The following MRTFB variants were observed in gnomAD, a reference collection of about 807,000 sequenced individuals.
MRTFB encodes the protein myocardin related transcription factor B.
MRTFB carries 29 observed loss-of-function variants against 104.2 expected under a neutral mutation model. That is an observed-to-expected ratio of 0.28 (90% CI 0.21 to 0.38). The LOEUF is 0.38. MRTFB is among the 10% of genes least tolerant of loss of function. The pLI, the probability that MRTFB is intolerant of heterozygous loss-of-function variation, is 1.00. For missense variants in MRTFB, 1,270 were observed against 1,341.6 expected (o/e 0.95, Z 0.83); for synonymous variants, 535 against 519.5 (o/e 1.03, Z -0.41).
chr16:14,126,610 T>G (rs2037123215), intron 2 of MRTFB, among the ~76,000 whole-genome samples: 1 of 152,214 alleles, frequency 6.6e-6, no homozygotes, highest in Non-Finnish European at 1.5e-5. Context: ...ATTGCTGACA[T>G]TATTGACATT....
Position 14,246,933 on chromosome 16 carries a change from G to A in MRTFB, c.1673G>A (p.Ser558Asn). ...GAAGACAGTCTGAGTCCCACCAGCA[G>A]CACTCTGTCAAACCTGGAACTGGAT... is the stretch of plus-strand genomic sequence containing the variant. ...NNEDSLSPTS[S>N]TLSNLELDAA... Residue 558 changes from serine (S) to asparagine (N), a missense_variant, in exon 12 of 17, where the codon AGC becomes AAC. Ser to Asn is a conservative substitution (Grantham distance 46, BLOSUM62 1). Coordinates refer to ENST00000571589, the MANE Select transcript of MRTFB (RefSeq NM_001308142.2). 6.2e-7 allele frequency: 1 copy of A among 1,614,008 alleles called. No homozygotes were observed. The highest frequency in any genetic ancestry group is 8.5e-7 in the Non-Finnish European group (1 of 1,180,032).
At chr16:14,043,182 AT>A in the MRTFB span, among the ~76,000 whole-genome samples, 1 of 152,082 alleles carries the variant, frequency 6.6e-6, no homozygotes, top group Non-Finnish European at 1.5e-5. Flanking sequence ...TGGTGCTGAT[AT>A]TTTTGTGTTG....
In MRTFB at chr16:14,261,125, A is replaced by G. The variant is rs750194006; in HGVS notation, c.2981A>G (p.Asn994Ser). The G allele has an allele frequency of 4.3e-6, 7 of 1,614,196 alleles. No homozygotes were observed. The highest frequency in any genetic ancestry group is 2.2e-5 in the South Asian group (2 of 91,080). The stretch of plus-strand genomic sequence containing the variant: ...TTGGATGGAACTTTACCCTCAGCCA[A>G]TGAAATTCCTCCACTACAAAGCAGC... The part of the protein sequence containing the change: ...AFLDGTLPSA[N>S]EIPPLQSSSE... Residue 994 changes from asparagine to serine, a missense_variant, in exon 17 of 17, where the codon AAT becomes AGT. Coordinates refer to ENST00000571589, the MANE Select transcript of MRTFB (RefSeq NM_001308142.2).
At chr16:14,254,939 A>G (rs901868955) in intron 15 of MRTFB, among the ~76,000 whole-genome samples, 3 of 152,238 alleles carry the variant, frequency 2.0e-5, no homozygotes, top group Non-Finnish European at 4.4e-5. Flanking sequence ...ATATGCTTGT[A>G]ATAAAAGGGA....
intron 3 of MRTFB, among the ~76,000 whole-genome samples, chr16:14,158,973 TA>T (rs397854767): frequency 0.12 from 14,527 of 119,910 alleles, 2,152 homozygotes; most frequent in African/African-American, 0.34. Flanking sequence ...TCATAAAGAT[TA>T]AAAAAAAAAA....
At chr16:14,203,026 C>T (rs902852165) in intron 3 of MRTFB, among the ~76,000 whole-genome samples, 15 of 152,196 alleles carry the variant, frequency 9.9e-5, no homozygotes, top group Admixed American at 7.9e-4. Context: ...ACAACTGAAA[C>T]TAGGATCTGT....
the MRTFB span, among the ~76,000 whole-genome samples, chr16:14,056,698 C>G: frequency 6.6e-6 from 1 of 152,176 alleles, no homozygotes; most frequent in Non-Finnish European, 1.5e-5. Context: ...TGGAGTCTCT[C>G]AGTGTTCAGA....
At chr16:14,032,152 AGGATGGGGGCT>A in the MRTFB span, among the ~76,000 whole-genome samples, 1 of 152,348 alleles carries the variant, frequency 6.6e-6, no homozygotes, top group Middle Eastern at 3.4e-3. Flanking sequence ...AGACAGCGTC[AGGATGGGGGCT>A]GGCTGCCATG....
At chr16:14,076,176 G>C (rs1461920934) in intron 1 of MRTFB, among the ~76,000 whole-genome samples, 2 of 151,158 alleles carry the variant, frequency 1.3e-5, no homozygotes, top group African/African-American at 4.9e-5. Context: ...TTAGTATATA[G>C]GAAACATTTT....
upstream of MRTFB, among the ~76,000 whole-genome samples, chr16:14,066,658 A>G (rs115433281): frequency 5.3e-3 from 797 of 150,456 alleles, 7 homozygotes; most frequent in African/African-American, 0.018. Context: ...GGGTGTGCAT[A>G]TGAGACTCAC....
the MRTFB span, among the ~76,000 whole-genome samples, chr16:14,060,946 A>G: frequency 6.6e-6 from 1 of 152,094 alleles, no homozygotes; most frequent in Non-Finnish European, 1.5e-5. Context: ...GGAGATCGAG[A>G]CCATCCTGGC....
intron 7 of MRTFB, among the ~76,000 whole-genome samples, chr16:14,217,733 A>G (rs2041489074): frequency 1.3e-5 from 2 of 152,222 alleles, no homozygotes; most frequent in Admixed American, 1.3e-4. Flanking sequence ...TTATTGAAAT[A>G]ATTTTCTAAG....
At chr16:14,193,805 T>G (rs1009233284) in intron 3 of MRTFB, 14 of 152,210 alleles carry the variant, frequency 9.2e-5, no homozygotes, top group African/African-American at 3.1e-4. Context: ...AATTACCATT[T>G]AAACCATTTT....
chr16:14,232,749 T>C (rs1247863914), intron 8 of MRTFB, among the ~76,000 whole-genome samples: 1 of 152,180 alleles, frequency 6.6e-6, no homozygotes, highest in Admixed American at 6.5e-5. Flanking sequence ...TGCCCATTCA[T>C]CAATTAAACA....
At chr16:14,125,969 T>C (rs1259017814) in intron 2 of MRTFB, among the ~76,000 whole-genome samples, 1 of 152,196 alleles carries the variant, frequency 6.6e-6, no homozygotes, top group African/African-American at 2.4e-5. Flanking sequence ...AATAATTACT[T>C]TCAAGGACTA....
intron 2 of MRTFB, among the ~76,000 whole-genome samples, chr16:14,135,937 C>G (rs570890268): frequency 1.3e-5 from 2 of 152,276 alleles, no homozygotes; most frequent in African/African-American, 4.8e-5. Context: ...GAAGACTTCC[C>G]TAACTTACCC....
chr16:14,212,917 T>G (rs2041256749), intron 5 of MRTFB, among the ~76,000 whole-genome samples: 1 of 152,222 alleles, frequency 6.6e-6, no homozygotes, highest in African/African-American at 2.4e-5. Flanking sequence ...CACGTGATAA[T>G]TGTTAAGATT....
chr16:14,134,273 T>C (rs2037591766), intron 2 of MRTFB, among the ~76,000 whole-genome samples: 2 of 152,230 alleles, frequency 1.3e-5, no homozygotes, highest in Admixed American at 1.3e-4. Context: ...TTATAGTATA[T>C]TTTTTCTGTA....
chr16:14,236,790 C>T (rs1253412047), intron 9 of MRTFB, among the ~76,000 whole-genome samples: 4 of 152,220 alleles, frequency 2.6e-5, no homozygotes, highest in Non-Finnish European at 1.5e-5. Context: ...GAAGGAGCTG[C>T]TGTAACATTT....
Sources: gnomAD v4.1 joint callset for allele counts (sites outside exome capture counted in the v4.1 genomes callset) on GRCh38, gnomAD v4.1.1 for gene constraint, MANE v1.5 for transcripts, NCBI Gene and HGNC (gene_info 2026-07-23, HGNC 2026-07-21) for gene names.